The following DLG2 variants were observed in gnomAD, a reference collection of about 807,000 sequenced individuals.
DLG2 encodes disks large homolog 2.
A neutral mutation model predicts 132.5 loss-of-function variants in DLG2; 45 were observed. The ratio of observed to expected loss-of-function variants is 0.34; its 90% confidence interval spans 0.27 to 0.44. The LOEUF (loss-of-function observed/expected upper bound fraction) is 0.44. Among genes scored for constraint, DLG2 ranks in the 20% least tolerant of loss-of-function variants. The pLI is 1.00. For missense variants in DLG2, 1,045 were observed against 1,196.9 expected, an observed-to-expected ratio of 0.87 and a Z score of 1.87; for synonymous variants, 424 against 419.6, an observed-to-expected ratio of 1.01 and a Z score of -0.13.
At chr11:85,362,559 G>A (rs2084242683) in intron 3 of DLG2, among the ~76,000 whole-genome samples, 1 of 151,830 alleles carries the variant, frequency 6.6e-6, no homozygotes, top group East Asian at 1.9e-4. Context: ...TCATCAGTGA[G>A]CAGAAATAAT....
intron 15 of DLG2, among the ~76,000 whole-genome samples, chr11:83,928,349 AAAG>A (rs2079397115): frequency 6.6e-6 from 1 of 152,156 alleles, no homozygotes; most frequent in African/African-American, 2.4e-5. Context: ...AGCAAGCTGA[AAAG>A]AATCATATCT....
chr11:84,831,025 T>C (rs549337658), intron 6 of DLG2, among the ~76,000 whole-genome samples: 1 of 125,572 alleles, frequency 8.0e-6, no homozygotes, highest in Non-Finnish European at 1.6e-5. Context: ...CATAATACAA[T>C]ACATTTTAAA....
At chr11:83,899,555 C>A (rs924330033) in intron 15 of DLG2, among the ~76,000 whole-genome samples, 18 of 152,242 alleles carry the variant, frequency 1.2e-4, no homozygotes, top group African/African-American at 4.1e-4. Context: ...ATGCCTTTCT[C>A]ATGACAGTGA....
At chr11:85,183,257 A>G (rs2079855924) in intron 4 of DLG2, among the ~76,000 whole-genome samples, 1 of 151,850 alleles carries the variant, frequency 6.6e-6, no homozygotes, top group African/African-American at 2.4e-5. Flanking sequence ...CCTGATTCCC[A>G]GGCAACTTTA....
At chr11:84,063,638 A>G (rs2096625692) in intron 10 of DLG2, among the ~76,000 whole-genome samples, 1 of 152,194 alleles carries the variant, frequency 6.6e-6, no homozygotes, top group African/African-American at 2.4e-5. Context: ...ATTATAAATC[A>G]TGCTGCTATA....
chr11:85,072,886 A>T (rs1016571595), intron 6 of DLG2, among the ~76,000 whole-genome samples: 2 of 151,862 alleles, frequency 1.3e-5, no homozygotes, highest in Admixed American at 1.3e-4. Context: ...GCATCAACAG[A>T]TATTTTGGAT....
chr11:84,747,378 C>G (rs1250554087), intron 6 of DLG2, among the ~76,000 whole-genome samples: 1 of 152,042 alleles, frequency 6.6e-6, no homozygotes, highest in Non-Finnish European at 1.5e-5. Flanking sequence ...CATGATGGAA[C>G]TAAATTTCAG....
chr11:84,190,533 C>A (rs1051955947), intron 8 of DLG2, among the ~76,000 whole-genome samples: 2 of 152,144 alleles, frequency 1.3e-5, no homozygotes, highest in Non-Finnish European at 2.9e-5. Context: ...TTATGTAAGT[C>A]ATGTTGCATA....
intron 22 of DLG2, among the ~76,000 whole-genome samples, chr11:83,475,163 G>T (rs375418280): frequency 1.3e-5 from 2 of 152,118 alleles, no homozygotes; most frequent in Non-Finnish European, 2.9e-5. Flanking sequence ...GGGGAAACCC[G>T]TGGAGGTGGG....
intron 6 of DLG2, among the ~76,000 whole-genome samples, chr11:85,107,927 T>TTAAA (rs1555371723): frequency 3.8e-5 from 1 of 26,270 alleles, no homozygotes; most frequent in Non-Finnish European, 6.5e-5. Flanking sequence ...GGACAAGTCT[T>TTAAA]AAAAAAAAAA....
intron 19 of DLG2, among the ~76,000 whole-genome samples, chr11:83,597,215 C>A (rs146899621): frequency 6.6e-6 from 1 of 152,028 alleles, no homozygotes; most frequent in Non-Finnish European, 1.5e-5. Context: ...GTCTCATGAG[C>A]GGGATCAAGA....
chr11:83,958,391 C>G (rs1441898238), intron 14 of DLG2, among the ~76,000 whole-genome samples: 3 of 152,014 alleles, frequency 2.0e-5, no homozygotes, highest in Non-Finnish European at 4.4e-5. Context: ...TTATATGATG[C>G]TTTTTAATGA....
intron 4 of DLG2, among the ~76,000 whole-genome samples, chr11:85,198,612 C>T (rs541461059): frequency 6.6e-6 from 1 of 152,176 alleles, no homozygotes; most frequent in East Asian, 1.9e-4. Context: ...ACAGTTATTA[C>T]AATATTGGTT....
chr11:84,217,869 T>C (rs531218009), intron 8 of DLG2, among the ~76,000 whole-genome samples: 112 of 152,280 alleles, frequency 7.4e-4, no homozygotes, highest in Non-Finnish European at 1.2e-3. Flanking sequence ...TTTTCCATAG[T>C]AGAAAGTAGA....
intron 6 of DLG2, among the ~76,000 whole-genome samples, chr11:84,736,005 T>C (rs181025571): frequency 6.6e-6 from 1 of 152,138 alleles, no homozygotes; most frequent in East Asian, 1.9e-4. Flanking sequence ...GATGTTCTTC[T>C]CTTATTTCTT....
intron 9 of DLG2, among the ~76,000 whole-genome samples, chr11:84,136,839 C>T (rs1180446642): frequency 6.6e-6 from 1 of 152,108 alleles, no homozygotes; most frequent in Non-Finnish European, 1.5e-5. Flanking sequence ...TTGCTGGGAG[C>T]TGAAAGATCT....
chr11:84,306,703 C>T (rs2098222973), intron 7 of DLG2, among the ~76,000 whole-genome samples: 1 of 152,196 alleles, frequency 6.6e-6, no homozygotes, highest in African/African-American at 2.4e-5. Context: ...GACCACTCTG[C>T]ACAGGGTGTC....
At chr11:84,471,079 GGTC>G (rs2099107226) in intron 7 of DLG2, among the ~76,000 whole-genome samples, 1 of 151,396 alleles carries the variant, frequency 6.6e-6, no homozygotes, top group Non-Finnish European at 1.5e-5. Flanking sequence ...TCAAACTCTT[GGTC>G]TATTTCTCTT....
intron 6 of DLG2, among the ~76,000 whole-genome samples, chr11:84,841,629 A>G (rs1349102097): frequency 5.3e-5 from 8 of 151,996 alleles, no homozygotes; most frequent in Admixed American, 5.3e-4. Flanking sequence ...AATGAATCTC[A>G]TTTTTGAACA....
Sources: gnomAD v4.1 joint callset for allele counts (sites outside exome capture counted in the v4.1 genomes callset) on GRCh38, gnomAD v4.1.1 for gene constraint, MANE v1.5 for transcripts, NCBI Gene and HGNC (gene_info 2026-07-23, HGNC 2026-07-21) for gene names.